The following CFAP20DC variants were observed in gnomAD, a reference collection of about 807,000 sequenced individuals.
The protein encoded by CFAP20DC is protein CFAP20DC.
CFAP20DC carries 84 observed loss-of-function variants against 101.7 expected under a neutral mutation model. The observed-to-expected ratio is 0.83, with a 90% confidence interval of 0.69 to 0.99. The LOEUF (loss-of-function observed/expected upper bound fraction) is 0.99. CFAP20DC is among the 50% of genes least tolerant of loss of function. The pLI, the probability that CFAP20DC is intolerant of heterozygous loss-of-function variation, is 0.00. For synonymous variants in CFAP20DC, 359 were observed against 351.2 expected, an observed-to-expected ratio of 1.02 and a Z score of -0.25; for missense variants, 1,007 against 970.3, an observed-to-expected ratio of 1.04 and a Z score of -0.50.
At chr3:58,924,560 A>G (rs2107584217) in intron 5 of CFAP20DC, among the ~76,000 whole-genome samples, 1 of 152,232 alleles carries the variant, frequency 6.6e-6, no homozygotes, top group Non-Finnish European at 1.5e-5. Context: ...TCTTTTTGAT[A>G]TGAGGATTTC....
rs546330328 is a variant in CFAP20DC, at chr3:58,728,536, T to C, written c.198-10908A>G. Among the ~76,000 whole-genome samples, 1 of 152,280 alleles carries C rather than the reference T, an allele frequency of 6.6e-6. No individual in the cohort carries two copies. Among genetic ancestry groups the C allele is most frequent in the South Asian group, 2.1e-4 (1 of 4,826 alleles). ...GAGGAAATTGGACATGGCCTTAGGA[T>C]GAAATGGAAGGCAGGCACAGATTGG... is the stretch of plus-strand genomic sequence containing the variant. On this transcript the variant is annotated intron_variant, in intron 3 of 3. Coordinates refer to the CFAP20DC transcript ENST00000486145. This position sits in a 1 kb window ranked among gnomAD's most constrained non-coding sequence, Gnocchi z 4.7.
chr3:58,883,120 T>C (rs1252933144), intron 7 of CFAP20DC, among the ~76,000 whole-genome samples: 2 of 152,196 alleles, frequency 1.3e-5, no homozygotes, highest in Non-Finnish European at 2.9e-5. Context: ...TTATCTCTTG[T>C]TTCTCCTTGA....
intron 12 of CFAP20DC, among the ~76,000 whole-genome samples, chr3:58,852,409 T>G (rs927787853): frequency 4.0e-5 from 6 of 151,746 alleles, no homozygotes. Flanking sequence ...AACACCCCAC[T>G]GTCAACATTA....
intron 6 of CFAP20DC, among the ~76,000 whole-genome samples, chr3:58,888,369 G>A (rs1470443509): frequency 1.3e-5 from 2 of 152,102 alleles, no homozygotes; most frequent in Non-Finnish European, 2.9e-5. Flanking sequence ...ACCTAGCAGA[G>A]AATATGAAAC....
chr3:58,849,285 G>A lies in CFAP20DC; in HGVS notation c.1718C>T (p.Ala573Val). ...TTCTGTTGCTCCTGCTTCTGTGTAGGCGCTCCTTAGATATTCCTTACTTGT... is the reference window on the plus strand; with the variant it reads ...TTCTGTTGCTCCTGCTTCTGTGTAGACGCTCCTTAGATATTCCTTACTTGT... ...KRTSKEYLRSAYTEAGATESQ... is the reference protein window; with the variant it reads ...KRTSKEYLRSVYTEAGATESQ... Residue 573 changes from alanine to valine, a missense_variant, in exon 13 of 17, where the codon GCC becomes GTC. Transcript: ENST00000482387. 1 of 1,536,008 alleles carries A rather than the reference G, an allele frequency of 6.5e-7. No homozygotes were observed.
At chr3:58,870,578 A>G (rs554214845) in intron 7 of CFAP20DC, among the ~76,000 whole-genome samples, 55 of 151,902 alleles carry the variant, frequency 3.6e-4, no homozygotes, top group African/African-American at 1.3e-3. Flanking sequence ...CCACCACCAC[A>G]AAGTTTTTCT....
intron 15 of CFAP20DC, among the ~76,000 whole-genome samples, chr3:58,790,655 G>A (rs2072772481): frequency 6.6e-6 from 1 of 152,198 alleles, no homozygotes; most frequent in Non-Finnish European, 1.5e-5. Flanking sequence ...TAAGACATTA[G>A]TGGGATATGG....
At position 58,817,253 on chromosome 3, in the gene CFAP20DC, G is replaced by A. The variant is rs577520724; in HGVS notation, c.2176-10797C>T. Among the ~76,000 whole-genome samples the A allele has an allele frequency of 3.9e-4, 59 of 152,310 alleles. No homozygotes were observed. In the South Asian group the frequency reaches 0.011, roughly 28 times the overall value. ...AGCGCCTCTCTTCCTCCAAAGGAAC[G>A]CAGTTCCTCAAGAGCAACGGAACAA... is the stretch of plus-strand genomic sequence containing the variant. On this transcript the variant is annotated intron_variant, in intron 14 of 16. Transcript: ENST00000482387.
At chr3:58,862,075 G>A (rs556917933) in intron 12 of CFAP20DC, 3 of 967,836 alleles carry the variant, frequency 3.1e-6, no homozygotes, top group Non-Finnish European at 3.7e-6. Context: ...AGATGGAAGA[G>A]GTAAGTTCTT....
chr3:59,032,983 T>A (rs747601880), intron 4 of CFAP20DC, among the ~76,000 whole-genome samples: 24 of 152,066 alleles, frequency 1.6e-4, no homozygotes, highest in Non-Finnish European at 2.9e-4. Context: ...GCCTCTGGGA[T>A]GAAGCTCCCA....
Position 59,049,773 on chromosome 3 carries a change from G to C in CFAP20DC, c.-142C>G. The stretch of plus-strand genomic sequence containing the variant: ...GGCTTCGTGCTTGGCCCAGACTTGG[G>C]CAGGCTCTTCTCAGCCCCTCCGGCC... On this transcript the variant is annotated 5_prime_UTR_variant, in exon 1 of 17. Transcript: ENST00000482387. 9.9e-7 allele frequency: 1 copy of C among 1,010,820 alleles called. No individual in the cohort carries two copies. The highest frequency in any genetic ancestry group is 1.4e-6 in the Non-Finnish European group (1 of 704,272). The allele number at this position is 1,010,820 out of a possible 1,614,324, so 62.6% of individuals were successfully genotyped here.
intron 4 of CFAP20DC, among the ~76,000 whole-genome samples, chr3:58,966,837 T>C (rs1396695649): frequency 6.6e-6 from 1 of 152,158 alleles, no homozygotes; most frequent in African/African-American, 2.4e-5. Flanking sequence ...AAAATATATT[T>C]TTTAAAAAAT....
At chr3:58,760,302 A>C (rs549499632) in intron 15 of CFAP20DC, among the ~76,000 whole-genome samples, 6 of 152,262 alleles carry the variant, frequency 3.9e-5, no homozygotes, top group Non-Finnish European at 7.3e-5. Context: ...AGCAATTGTG[A>C]ATGGGAGTTC....
Position 58,913,972 on chromosome 3 carries a change from C to T in CFAP20DC, c.394-108G>A, listed in dbSNP as rs1273168672. 8 of 1,182,666 alleles carry T rather than the reference C, an allele frequency of 6.8e-6. No individual in the cohort carries two copies. The East Asian group carries it at 1.5e-4, about 22-fold the overall frequency. The allele number at this position is 1,182,666 out of a possible 1,614,324, so 73.3% of individuals were successfully genotyped here. On this transcript the variant is annotated intron_variant, in intron 5 of 16. Transcript: ENST00000482387. This position sits in a 1 kb window ranked among gnomAD's most constrained non-coding sequence, Gnocchi z 4.4. ...GAGTTGAGGCAGTTATCCTGATCAACAAGCCCCAAACTAATTTTCCTCTTT... is the reference window on the plus strand; with the variant it reads ...GAGTTGAGGCAGTTATCCTGATCAATAAGCCCCAAACTAATTTTCCTCTTT...
intron 7 of CFAP20DC, among the ~76,000 whole-genome samples, chr3:58,876,836 A>C (rs2080793495): frequency 6.6e-6 from 1 of 152,226 alleles, no homozygotes; most frequent in Non-Finnish European, 1.5e-5. Flanking sequence ...TTAGAATTAA[A>C]GCTGGTACCA....
At chr3:58,821,456 C>A (rs1253262572) in intron 14 of CFAP20DC, among the ~76,000 whole-genome samples, 35 of 147,226 alleles carry the variant, frequency 2.4e-4, no homozygotes, top group Admixed American at 1.1e-3. Flanking sequence ...AAGAAAAAAA[C>A]AAACAACCCC....
chr3:58,945,986 C>T (rs142614491), intron 4 of CFAP20DC, among the ~76,000 whole-genome samples: 56 of 151,532 alleles, frequency 3.7e-4, no homozygotes, highest in African/African-American at 1.0e-3. Context: ...TAAGCCACCA[C>T]GACCAGCCCA....
chr3:58,831,507 G>T (rs1425976205), intron 14 of CFAP20DC, among the ~76,000 whole-genome samples, 179 bp downstream of exon 14: 1 of 152,192 alleles, frequency 6.6e-6, no homozygotes, highest in Non-Finnish European at 1.5e-5. Context: ...TTTAAGAAAA[G>T]ACTGTCATCT....
intron 4 of CFAP20DC, among the ~76,000 whole-genome samples, chr3:58,940,507 C>A (rs187464984): frequency 6.6e-6 from 1 of 152,128 alleles, no homozygotes; most frequent in African/African-American, 2.4e-5. Flanking sequence ...ATACAATTGT[C>A]CCAACACCAT....
Sources: gnomAD v4.1 joint callset for allele counts (sites outside exome capture counted in the v4.1 genomes callset) on GRCh38, gnomAD v4.1.1 for gene constraint, Gnocchi (gnomAD v3.1) non-coding constraint, MANE v1.5 for transcripts, NCBI Gene and HGNC (gene_info 2026-07-23, HGNC 2026-07-21) for gene names.